UPRT: variants seen among roughly 807,000 people sequenced by gnomAD.
The protein encoded by UPRT is uracil phosphoribosyltransferase homolog.
A neutral mutation model predicts 22.6 loss-of-function variants in UPRT; 5 were observed. That is an observed-to-expected ratio of 0.22 (90% confidence interval 0.12 to 0.47). The LOEUF (loss-of-function observed/expected upper bound fraction) is 0.47. Among genes scored for constraint, UPRT ranks in the 20% least tolerant of loss-of-function variants. The pLI, the probability that UPRT is intolerant of heterozygous loss-of-function variation, is 0.99. For synonymous variants in UPRT, 77 were observed against 87.7 expected (o/e 0.88, Z 0.68); for missense variants, 181 against 239.9 (o/e 0.75, Z 1.62).
At chrX:75,279,312 T>A (rs915094369) in intron 1 of UPRT, among the ~76,000 whole-genome samples, 2 of 111,409 alleles carry the variant, frequency 1.8e-5, no homozygotes, top group African/African-American at 6.5e-5. Flanking sequence ...AGAAAAAAAC[T>A]GTGACGTGCA....
intron 4 of UPRT, among the ~76,000 whole-genome samples, chrX:75,249,649 T>A (rs5981825): frequency 1.3e-4 from 14 of 109,529 alleles, no homozygotes; most frequent in South Asian, 4.0e-4. Flanking sequence ...TAGACAGATC[T>A]GTGAGACAGA....
intron 1 of UPRT, among the ~76,000 whole-genome samples, chrX:75,286,306 T>TGGGG (rs35193908): frequency 3.5e-4 from 13 of 37,654 alleles, no homozygotes; most frequent in Non-Finnish European, 4.4e-4. Context: ...CAAATTTACT[T>TGGGG]GGGGGGGGGG....
intron 4 of UPRT, among the ~76,000 whole-genome samples, chrX:75,179,424 C>A (rs1163254374): frequency 1.8e-5 from 2 of 113,077 alleles, no homozygotes; most frequent in Non-Finnish European, 3.8e-5. Flanking sequence ...CTCCACGTCC[C>A]CACCAGACTC....
chrX:75,244,562 C>T (rs1438166263), intron 4 of UPRT, among the ~76,000 whole-genome samples: 2 of 111,347 alleles, frequency 1.8e-5, no homozygotes, highest in African/African-American at 3.3e-5. Flanking sequence ...CAAAAAGTAT[C>T]ACCAGTGGAA....
At chrX:75,272,308 A>G (rs2082611421), upstream of UPRT, among the ~76,000 whole-genome samples, 1 of 13,620 alleles carries the variant, frequency 7.3e-5, no homozygotes, top group Admixed American at 1.6e-3. Flanking sequence ...GTGTATATAT[A>G]TGTGTATATA....
chrX:75,184,852 A>ATT (rs1241197278), intron 4 of UPRT, among the ~76,000 whole-genome samples: 2 of 111,322 alleles, frequency 1.8e-5, no homozygotes, highest in Non-Finnish European at 3.8e-5. Flanking sequence ...AATGCTTGTG[A>ATT]TTTTTGTACA....
intron 4 of UPRT, among the ~76,000 whole-genome samples, chrX:75,230,402 T>C (rs1460402272): frequency 9.0e-6 from 1 of 111,340 alleles, no homozygotes; most frequent in East Asian, 2.8e-4. Context: ...AAAACCCTAG[T>C]ACTCATCCTG....
intron 1 of UPRT, among the ~76,000 whole-genome samples, chrX:75,291,006 A>G (rs1471888444): frequency 1.8e-5 from 2 of 111,994 alleles, no homozygotes; most frequent in East Asian, 2.8e-4. Flanking sequence ...TATGAATCCC[A>G]TTCTTTTGTT....
intron 4 of UPRT, among the ~76,000 whole-genome samples, chrX:75,168,819 G>A (rs1215939950): frequency 9.0e-6 from 1 of 111,503 alleles, no homozygotes; most frequent in East Asian, 2.8e-4. Context: ...ATGAGCCACT[G>A]TGCCTGGCTG....
upstream of UPRT, among the ~76,000 whole-genome samples, chrX:75,272,352 ATATATG>A (rs1242095253): frequency 2.3e-4 from 21 of 92,367 alleles, no homozygotes; most frequent in African/African-American, 7.6e-4. Context: ...ATACACATAT[ATATATG>A]TGTATATATA....
intron 6 of UPRT, among the ~76,000 whole-genome samples, chrX:75,301,643 A>G (rs929519857): frequency 1.3e-4 from 15 of 112,127 alleles, no homozygotes; most frequent in Admixed American, 1.2e-3. Flanking sequence ...AGGATATACT[A>G]TTATGTAACT....
chrX:75,177,254 C>T (rs1000824297), intron 4 of UPRT, among the ~76,000 whole-genome samples: 1 of 109,389 alleles, frequency 9.1e-6, no homozygotes, highest in African/African-American at 3.4e-5. Context: ...CAACCCCTGC[C>T]CAAGAACCCG....
At chrX:75,234,463 C>T (rs953656393) in intron 4 of UPRT, among the ~76,000 whole-genome samples, 3 of 111,477 alleles carry the variant, frequency 2.7e-5, no homozygotes, top group Non-Finnish European at 3.8e-5. Context: ...AACACTCTAC[C>T]CCAAATCAAC....
intron 4 of UPRT, among the ~76,000 whole-genome samples, chrX:75,253,073 A>G (rs2082537167): frequency 9.0e-6 from 1 of 111,182 alleles, no homozygotes; most frequent in Admixed American, 9.6e-5. Flanking sequence ...GGATAGCATT[A>G]GGAGATATAC....
chrX:75,259,283 G>A (rs981991107), intron 4 of UPRT, among the ~76,000 whole-genome samples: 1 of 110,353 alleles, frequency 9.1e-6, no homozygotes, highest in Non-Finnish European at 1.9e-5. Flanking sequence ...TTGATGAATT[G>A]ACAGAAGTAG....
chrX:75,182,174 T>C (rs2082272398), intron 4 of UPRT, among the ~76,000 whole-genome samples: 1 of 112,398 alleles, frequency 8.9e-6, no homozygotes, highest in Non-Finnish European at 1.9e-5. Context: ...TTTGCATATG[T>C]TGAACCAACC....
upstream of UPRT, among the ~76,000 whole-genome samples, chrX:75,269,186 T>A (rs1196955548): frequency 9.0e-6 from 1 of 111,326 alleles, no homozygotes; most frequent in Non-Finnish European, 1.9e-5. Flanking sequence ...TACCTAGGAA[T>A]AAAACTTACA....
intron 1 of UPRT, among the ~76,000 whole-genome samples, chrX:75,159,373 G>T (rs1054414901): frequency 8.9e-6 from 1 of 112,198 alleles, no homozygotes; most frequent in African/African-American, 3.2e-5. Context: ...CCAACATAAA[G>T]AAAAGCTAAA....
At chrX:75,184,635 T>C (rs1256623860) in intron 4 of UPRT, among the ~76,000 whole-genome samples, 1 of 107,895 alleles carries the variant, frequency 9.3e-6, no homozygotes, top group East Asian at 2.9e-4. Context: ...ATTTTCACGA[T>C]ATTGATTCTT....
Sources: allele counts gnomAD v4.1 joint callset (sites outside exome capture counted in the v4.1 genomes callset), GRCh38; gene constraint gnomAD v4.1.1; transcripts MANE v1.5; gene names NCBI Gene and HGNC (gene_info 2026-07-23, HGNC 2026-07-21).